The following SVEP1 variants were observed in gnomAD, a reference collection of about 807,000 sequenced individuals.
The protein encoded by SVEP1 is sushi, von Willebrand factor type A, EGF and pentraxin domain containing 1.
A neutral mutation model predicts 367.3 loss-of-function variants in SVEP1; 164 were observed. The observed-to-expected ratio is 0.45, with a 90% CI of 0.39 to 0.51. The LOEUF is 0.51. Ranked by LOEUF, SVEP1 falls within the 20% of genes least tolerant of loss-of-function variation. The pLI is 0.00. For synonymous variants in SVEP1, 1,666 were observed against 1,611.6 expected (o/e 1.03, Z -0.81); for missense variants, 4,117 against 4,425.3 (o/e 0.93, Z 1.98).
chr9:110,396,495 G>A (rs1054585181), intron 40 of SVEP1, among the ~76,000 whole-genome samples: 6 of 152,100 alleles, frequency 3.9e-5, no homozygotes, highest in East Asian at 3.9e-4. Flanking sequence ...AAATAACTAA[G>A]ATCAGAGCAG....
chr9:110,415,583 T>G (rs557813051), intron 36 of SVEP1, among the ~76,000 whole-genome samples: 2 of 152,162 alleles, frequency 1.3e-5, no homozygotes, highest in South Asian at 4.1e-4. Context: ...CATCCTTGAC[T>G]GGAACAAGAC....
chr9:110,407,171 G>C lies in SVEP1; in HGVS notation c.8429C>G (p.Thr2810Ser), dbSNP rs748957334. ...GTCATCCTGGCATGTTCTCCTCTCA[G>C]TGCCATTCAGCACATATCCGGGGTC... ...ECDPGYVLNGTERRTCQDDKN... is the reference protein window; with the variant it reads ...ECDPGYVLNGSERRTCQDDKN... The change falls in exon 38 of 48, where the codon ACT becomes AGT. Residue 2810 changes from threonine to serine, a missense_variant. By Grantham distance (58) the Thr-to-Ser change is moderately conservative. This residue lies in a region of SVEP1 where 1,765 missense variants were observed against 1,781.1 expected (regional missense o/e 0.99). Transcript: ENST00000374469. 15 of 1,613,886 alleles carry C rather than the reference G, an allele frequency of 9.3e-6. No individual in the cohort carries two copies. Among genetic ancestry groups the C allele is most frequent in the Non-Finnish European group, 1.2e-5 (14 of 1,179,908 alleles).
intron 33 of SVEP1, 127 bp from the exon 34 acceptor site, chr9:110,430,131 T>TGC: frequency 8.9e-7 from 1 of 1,129,858 alleles, no homozygotes; most frequent in Non-Finnish European, 1.2e-6. Flanking sequence ...TTGGTGTGTG[T>TGC]GTGTGGGGTC....
chr9:110,521,123 A>G (rs1361995877), intron 3 of SVEP1, among the ~76,000 whole-genome samples: 3 of 152,222 alleles, frequency 2.0e-5, no homozygotes, highest in Admixed American at 2.0e-4. Flanking sequence ...TGTTTTCTCC[A>G]TGTTGAACCA....
intron 46 of SVEP1, among the ~76,000 whole-genome samples, chr9:110,370,726 T>TA (rs1309580880): frequency 6.6e-6 from 1 of 152,204 alleles, no homozygotes; most frequent in Admixed American, 6.5e-5. Context: ...ATGTATTTGT[T>TA]AAAAAACCTG....
intron 40 of SVEP1, among the ~76,000 whole-genome samples, chr9:110,396,219 G>A (rs1481304215): frequency 1.3e-5 from 2 of 151,260 alleles, no homozygotes; most frequent in African/African-American, 4.9e-5. Flanking sequence ...CAACTACATG[G>A]AAACTGAACA....
intron 22 of SVEP1, among the ~76,000 whole-genome samples, chr9:110,453,286 A>C (rs1255585085): frequency 6.6e-6 from 1 of 152,110 alleles, no homozygotes; most frequent in African/African-American, 2.4e-5. Flanking sequence ...TTATGGGGTC[A>C]TTACTATTTA....
intron 3 of SVEP1, among the ~76,000 whole-genome samples, chr9:110,527,206 TA>T (rs1461784596): frequency 6.6e-6 from 1 of 152,072 alleles, no homozygotes; most frequent in East Asian, 1.9e-4. Context: ...GGATATCCTT[TA>T]AAGTGGGAAA....
intron 46 of SVEP1, among the ~76,000 whole-genome samples, chr9:110,370,504 A>G (rs1259901655): frequency 1.3e-5 from 2 of 152,180 alleles, no homozygotes; most frequent in Non-Finnish European, 1.5e-5. Context: ...ATGATAATAA[A>G]TTAGGCACAT....
chr9:110,490,538 G>A (rs1829352561), intron 8 of SVEP1, among the ~76,000 whole-genome samples: 1 of 151,830 alleles, frequency 6.6e-6, no homozygotes, highest in Admixed American at 6.6e-5. Flanking sequence ...ATCTTAATGA[G>A]ATCTACTTTT....
At chr9:110,575,134 A>T (rs1459866253) in intron 1 of SVEP1, among the ~76,000 whole-genome samples, 1 of 152,214 alleles carries the variant, frequency 6.6e-6, no homozygotes, top group Non-Finnish European at 1.5e-5. Context: ...AGATCAGCTA[A>T]TACAAACTTT....
At chr9:110,450,386 A>C (rs1358725026) in intron 23 of SVEP1, 126 bp from the exon 24 acceptor site, 1 of 970,994 alleles carries the variant, frequency 1.0e-6, no homozygotes, top group Non-Finnish European at 1.5e-6. Flanking sequence ...GGAGCCCATC[A>C]AACTGGTTTG....
At chr9:110,502,689 T>A (rs911511758) in intron 6 of SVEP1, among the ~76,000 whole-genome samples, 1 of 152,162 alleles carries the variant, frequency 6.6e-6, no homozygotes, top group African/African-American at 2.4e-5. Flanking sequence ...ATTAATAAGG[T>A]AAATGTAAAA....
chr9:110,544,850 G>A lies in SVEP1; in HGVS notation c.964+1265C>T, dbSNP rs188886235. The stretch of plus-strand genomic sequence containing the variant: ...AACTATAGTCACCCTACAGTGTTAT[G>A]GAACATTAAAACTTATTCCTCCTAT... On this transcript the variant is annotated intron_variant, in intron 3 of 47. Transcript: ENST00000374469. Among the ~76,000 whole-genome samples, 397 of 148,304 alleles carry A rather than the reference G, an allele frequency of 2.7e-3. 4 individuals are homozygous for A. Among genetic ancestry groups the A allele is most frequent in the African/African-American group, 9.1e-3 (374 of 41,150 alleles).
At chr9:110,551,608 C>T (rs947567332) in intron 1 of SVEP1, among the ~76,000 whole-genome samples, 2 of 152,070 alleles carry the variant, frequency 1.3e-5, no homozygotes, top group African/African-American at 4.8e-5. Context: ...GCATTCGGGA[C>T]GTTACTGGAG....
intron 1 of SVEP1, among the ~76,000 whole-genome samples, chr9:110,555,221 G>GAA (rs778890052): frequency 2.3e-5 from 3 of 132,288 alleles, no homozygotes; most frequent in Non-Finnish European, 3.3e-5. Context: ...GAGAAGTGGG[G>GAA]AAAAAAAAAA....
intron 3 of SVEP1, among the ~76,000 whole-genome samples, chr9:110,541,701 T>C (rs180891909): frequency 5.1e-4 from 77 of 151,398 alleles, no homozygotes; most frequent in Non-Finnish European, 9.1e-4. Flanking sequence ...TTAACCCAAC[T>C]AGTTTTGCAT....
intron 17 of SVEP1, 48 bp from the exon 18 acceptor site, chr9:110,466,074 A>G: frequency 1.9e-6 from 3 of 1,576,094 alleles, no homozygotes; most frequent in Non-Finnish European, 2.6e-6. Context: ...ATTAAGCTGC[A>G]TAAAATTAGT....
At chr9:110,375,867 T>C (rs979956771) in intron 45 of SVEP1, among the ~76,000 whole-genome samples, 1 of 152,212 alleles carries the variant, frequency 6.6e-6, no homozygotes, top group Non-Finnish European at 1.5e-5. Flanking sequence ...TCTTCCTGTC[T>C]TGAACTAAAT....
Sources: gnomAD v4.1 joint callset for allele counts (sites outside exome capture counted in the v4.1 genomes callset) on GRCh38, gnomAD v4.1.1 for gene constraint, gnomAD v4.1.1 regional missense constraint, MANE v1.5 for transcripts, NCBI Gene and HGNC (gene_info 2026-07-23, HGNC 2026-07-21) for gene names.